HYDIN: variants seen among roughly 807,000 people sequenced by gnomAD.
The protein encoded by HYDIN is HYDIN axonemal central pair apparatus protein.
A neutral mutation model predicts 403.9 loss-of-function variants in HYDIN; 132 were observed. The observed-to-expected ratio is 0.33, with a 90% confidence interval of 0.28 to 0.38. The LOEUF is 0.38. Among genes scored for constraint, HYDIN ranks in the 10% least tolerant of loss-of-function variants. The pLI is 1.00. For missense variants in HYDIN, 2,827 were observed against 5,009.5 expected (o/e 0.56, Z 13.15); for synonymous variants, 1,202 against 1,891.7 (o/e 0.64, Z 9.46).
intron 23 of HYDIN, among the ~76,000 whole-genome samples, chr16:70,996,923 T>A (rs2079550966): frequency 6.6e-6 from 1 of 151,118 alleles, no homozygotes; most frequent in South Asian, 2.1e-4. Flanking sequence ...TTTATTTCTA[T>A]TATTATTACA....
At chr16:70,948,551 C>T (rs2143908020) in intron 41 of HYDIN, among the ~76,000 whole-genome samples, 1 of 151,930 alleles carries the variant, frequency 6.6e-6, no homozygotes, top group East Asian at 1.9e-4. Flanking sequence ...TTTTTGCAAC[C>T]TACTCATCTG....
rs376262243 is a variant in HYDIN at position 70,951,248 on chromosome 16, C to CAGAGAG, written c.6531+1167_6531+1172dup. On this transcript the variant is annotated intron_variant, in intron 41 of 85. Coordinates refer to ENST00000393567, the MANE Select transcript of HYDIN (RefSeq NM_001270974.2). ...AGACCCTGACTCTAGGGAAAAGGGACAGAGAGAGAGAGAGAGAGAGAGAGA... is the reference window on the plus strand; with the variant it reads ...AGACCCTGACTCTAGGGAAAAGGGACAGAGAGAGAGAGAGAGAGAGAGAGAGAGAGA... 6.0e-3 allele frequency among the ~76,000 whole-genome samples: 776 copies of CAGAGAG among 130,370 alleles called. 4 individuals are homozygous for CAGAGAG. The highest frequency in any genetic ancestry group is 0.016 in the Middle Eastern group (4 of 248). The allele number at this position is 130,370 out of a possible 152,430, so 85.5% of individuals were successfully genotyped here.
intron 12 of HYDIN, among the ~76,000 whole-genome samples, chr16:71,082,429 A>G (rs1377111568): frequency 6.6e-6 from 1 of 151,808 alleles, no homozygotes; most frequent in Non-Finnish European, 1.5e-5. Context: ...ATGTAAGTCT[A>G]TTTCTCTTAG....
At chr16:70,977,918 C>T (rs2078933783) in intron 30 of HYDIN, among the ~76,000 whole-genome samples, 1 of 151,702 alleles carries the variant, frequency 6.6e-6, no homozygotes, top group Non-Finnish European at 1.5e-5. Context: ...TGCCTTTTTT[C>T]CTGCTCACTA....
Position 71,154,318 on chromosome 16 carries a change from G to A in HYDIN, c.717-1535C>T, listed in dbSNP as rs1486293941. ...GTAGGTATATATATTTATGGGGTAC[G>A]TGAGATGTTTTGATACAGGCATGCA... On this transcript the variant is annotated intron_variant, in intron 6 of 85. Transcript: ENST00000393567. 2.0e-5 allele frequency among the ~76,000 whole-genome samples: 3 copies of A among 147,250 alleles called. No individual in the cohort carries two copies. The East Asian group carries it at 6.0e-4, about 30-fold the overall frequency.
chr16:71,133,219 G>T (rs1188518213), intron 8 of HYDIN: 3 of 453,504 alleles, frequency 6.6e-6, no homozygotes, highest in African/African-American at 6.0e-5. Flanking sequence ...AAGAGCCATG[G>T]TCTTGAGAGC....
At chr16:70,880,417 G>A (rs1172332916) in intron 60 of HYDIN, among the ~76,000 whole-genome samples, 34 of 148,960 alleles carry the variant, frequency 2.3e-4, no homozygotes. Flanking sequence ...CATGCAAGAT[G>A]AGAAAGCTGG....
chr16:70,813,323 G>A (rs2035626600), intron 84 of HYDIN, among the ~76,000 whole-genome samples: 2 of 151,268 alleles, frequency 1.3e-5, no homozygotes. Flanking sequence ...CTGCCATGTT[G>A]AAAGCAGCTC....
chr16:70,989,924 C>T (rs2795677), intron 25 of HYDIN, among the ~76,000 whole-genome samples: 179 of 152,234 alleles, frequency 1.2e-3, no homozygotes, highest in South Asian at 2.9e-3. Flanking sequence ...AGATATTCCA[C>T]GCACAAGCAA....
intron 1 of HYDIN, 52 bp from the exon 2 acceptor site, chr16:71,186,970 CA>C: frequency 7.8e-7 from 1 of 1,284,780 alleles, no homozygotes; most frequent in Non-Finnish European, 1.1e-6. Flanking sequence ...TTCCTGAATA[CA>C]GGTCATAATT....
At chr16:71,190,207 G>A (rs2087360142) in intron 1 of HYDIN, among the ~76,000 whole-genome samples, 1 of 151,968 alleles carries the variant, frequency 6.6e-6, no homozygotes, top group Admixed American at 6.6e-5. Context: ...TGAGGACAAG[G>A]GTACAAAATG....
intron 65 of HYDIN, among the ~76,000 whole-genome samples, chr16:70,870,509 G>A (rs1183109964): frequency 6.7e-6 from 1 of 149,970 alleles, no homozygotes; most frequent in Non-Finnish European, 1.5e-5. Context: ...CCAAGGTGTG[G>A]CTCAGGACAT....
At chr16:70,880,726 T>C (rs1188434313) in intron 60 of HYDIN, among the ~76,000 whole-genome samples, 3 of 152,180 alleles carry the variant, frequency 2.0e-5, no homozygotes, top group African/African-American at 2.4e-5. Flanking sequence ...TTTGGGACTG[T>C]AGGGAGCCCT....
chr16:70,970,192 C>CT (rs199667785), intron 36 of HYDIN, among the ~76,000 whole-genome samples: 1,662 of 51,780 alleles, frequency 0.032, 137 homozygotes, highest in African/African-American at 0.13. Context: ...CTAAATATAT[C>CT]AACTAAAGTC....
chr16:71,166,079 G>GA (rs1292955619), intron 5 of HYDIN, among the ~76,000 whole-genome samples: 1 of 148,530 alleles, frequency 6.7e-6, no homozygotes, highest in Non-Finnish European at 1.5e-5. Flanking sequence ...GGCCAGTTAG[G>GA]AAGCCACTGC....
At chr16:70,936,554 T>TC (rs2077498535) in intron 44 of HYDIN, among the ~76,000 whole-genome samples, 1 of 125,894 alleles carries the variant, frequency 7.9e-6, no homozygotes, top group Non-Finnish European at 1.9e-5. Context: ...TTTTTTTTTT[T>TC]TGACAGAGTC....
At chr16:70,941,006 TTG>T (rs890556862) in intron 43 of HYDIN, among the ~76,000 whole-genome samples, 1 of 150,876 alleles carries the variant, frequency 6.6e-6, no homozygotes, top group Admixed American at 6.6e-5. Context: ...CTAACATTAC[TTG>T]TGTGTGTGTG....
chr16:71,180,595 A>C (rs1004464121), intron 3 of HYDIN, among the ~76,000 whole-genome samples: 3 of 142,824 alleles, frequency 2.1e-5, no homozygotes, highest in Non-Finnish European at 3.0e-5. Context: ...CTCATTCATA[A>C]ACCATAGACA....
chr16:71,007,397 TA>T (rs2079922535), intron 23 of HYDIN, among the ~76,000 whole-genome samples: 1 of 152,176 alleles, frequency 6.6e-6, no homozygotes, highest in Non-Finnish European at 1.5e-5. Context: ...AAGGTTCGTT[TA>T]AATATAAAAT....
Sources: allele counts gnomAD v4.1 joint callset (sites outside exome capture counted in the v4.1 genomes callset), GRCh38; gene constraint gnomAD v4.1.1; transcripts MANE v1.5; gene names NCBI Gene and HGNC (gene_info 2026-07-23, HGNC 2026-07-21).